The following PIP5K1C variants were observed in gnomAD, a reference collection of about 807,000 sequenced individuals.
The protein encoded by PIP5K1C is phosphatidylinositol-4-phosphate 5-kinase type 1 gamma, also known as phosphatidylinositol 4-phosphate 5-kinase type-1 gamma.
PIP5K1C carries 45 observed loss-of-function variants against 80.1 expected under a neutral mutation model. That is an observed-to-expected ratio of 0.56 (90% CI 0.44 to 0.72). The LOEUF (loss-of-function observed/expected upper bound fraction) is 0.72, where lower values mean the gene tolerates loss of function less well. Among genes scored for constraint, PIP5K1C ranks in the 30% least tolerant of loss-of-function variants. The pLI, the probability that PIP5K1C is intolerant of heterozygous loss-of-function variation, is 0.00. For missense variants in PIP5K1C, 753 were observed against 954.6 expected (o/e 0.79, Z 2.78); for synonymous variants, 498 against 420.1 (o/e 1.19, Z -2.27).
chr19:3,636,059 A>C (rs1338719329), intron 16 of PIP5K1C, among the ~76,000 whole-genome samples: 1 of 152,148 alleles, frequency 6.6e-6, no homozygotes, highest in African/African-American at 2.4e-5. Context: ...CAGGAGGCTG[A>C]GGCAGGATAA....
rs143065193 is a variant in PIP5K1C, at chr19:3,689,213, A to C, written c.94+11084T>G. On this transcript the variant is annotated intron_variant, in intron 1 of 17. Transcript: ENST00000335312. ...GCCCTAAAATAACACGCCTTGAAATAAAAACGAACATACAACAAGGTCACG... is the reference window on the plus strand; with the variant it reads ...GCCCTAAAATAACACGCCTTGAAATCAAAACGAACATACAACAAGGTCACG... Among the ~76,000 whole-genome samples the C allele has an allele frequency of 3.6e-3, 549 of 152,246 alleles. 6 individuals carry two copies. The highest frequency in any genetic ancestry group is 0.013 in the African/African-American group (522 of 41,554).
At chr19:3,656,847 C>T (rs1024951911) in intron 5 of PIP5K1C, among the ~76,000 whole-genome samples, 4 of 152,214 alleles carry the variant, frequency 2.6e-5, no homozygotes, top group African/African-American at 9.6e-5. Flanking sequence ...GGGGTGCTGA[C>T]GCGCGTGGCT....
At position 3,645,997 on chromosome 19, in the gene PIP5K1C, T is replaced by C. The variant is rs769042747; in HGVS notation, c.1322A>G (p.Asn441Ser). The C allele has an allele frequency of 6.2e-7, 1 of 1,613,286 alleles. No homozygotes were observed. The highest frequency in any genetic ancestry group is 8.5e-7 in the Non-Finnish European group (1 of 1,179,826). Reference protein sequence around the residue: ...YAERFFKFMSNTVFRKNSSLK... With the variant: ...YAERFFKFMSSTVFRKNSSLK... The stretch of plus-strand genomic sequence containing the variant: ...ACAGGAGTTCTTCCGAAAGACCGTG[T>C]TGCTCATGAACTTGAAAAAGCGCTC... Residue 441 changes from asparagine (N) to serine (S), a missense_variant, in exon 11 of 18, where the codon AAC becomes AGC. Around this residue, in one of 6 missense-constraint regions of PIP5K1C, gnomAD observed 114 missense variants for 152.4 expected, o/e 0.75. Transcript: ENST00000335312.
chr19:3,643,315 G>A lies in PIP5K1C; in HGVS notation c.1577C>T (p.Thr526Met). 1.2e-6 allele frequency: 2 copies of A among 1,614,004 alleles called. No homozygotes were observed. Among genetic ancestry groups the A allele is most frequent in the East Asian group, 2.2e-5 (1 of 44,880 alleles). Residue 526 changes from threonine (T) to methionine (M), a missense_variant, in exon 13 of 18, where the codon ACG becomes ATG. Physicochemically the swap from Thr to Met is moderately conservative, Grantham distance 81. Around this residue, in one of 6 missense-constraint regions of PIP5K1C, gnomAD observed 315 missense variants for 294.5 expected, o/e 1.07. Transcript: ENST00000335312. ...GGAGAGGGATGTGGATGACAGAGTC[G>A]TGGCAATGGAGGCTGTAGTGGCTTC... Reference protein sequence around the residue: ...FEEATTASIATTLSSTSLSIP... With the variant: ...FEEATTASIAMTLSSTSLSIP...
chr19:3,643,134 CGATGCTCCACCCACATGCACAGCG>C lies in PIP5K1C; in HGVS notation c.1649+85_1649+108del, dbSNP rs1033326322. On this transcript the variant is annotated intron_variant, in intron 13 of 17. Transcript: ENST00000335312. ...AGTGTATGTACATCCACCGTACATA[CGATGCTCCACCCACATGCACAGCG>C]GATGCCCCGCCCACATGCAGTGAAT... is the stretch of plus-strand genomic sequence containing the variant. 419 of 1,557,060 alleles carry C rather than the reference CGATGCTCCACCCACATGCACAGCG, an allele frequency of 2.7e-4. 2 individuals are homozygous for C. Among genetic ancestry groups the C allele is most frequent in the Non-Finnish European group, 1.8e-4 (210 of 1,140,110 alleles).
intron 1 of PIP5K1C, among the ~76,000 whole-genome samples, chr19:3,690,718 A>C (rs2035921828): frequency 6.6e-6 from 1 of 152,208 alleles, no homozygotes; most frequent in African/African-American, 2.4e-5. Flanking sequence ...TTGTGTCACC[A>C]ATAAATGAGT....
chr19:3,662,019 T>C lies in PIP5K1C; in HGVS notation c.220-18A>G, dbSNP rs1289916094. On this transcript the variant is annotated intron_variant, in intron 3 of 17. Coordinates refer to ENST00000335312, the MANE Select transcript of PIP5K1C (RefSeq NM_012398.3). ...GAGGTGGTCTGCAGGGAGACCAGAG[T>C]GTCAGGGCCCCCGGCTGCTCCCCAC... The C allele has an allele frequency of 6.4e-7, 1 of 1,574,766 alleles. No individual in the cohort carries two copies. Among genetic ancestry groups the C allele is most frequent in the South Asian group, 1.1e-5 (1 of 87,058 alleles).
intron 1 of PIP5K1C, among the ~76,000 whole-genome samples, chr19:3,689,376 C>T (rs554471211): frequency 3.9e-4 from 59 of 152,252 alleles, no homozygotes; most frequent in Non-Finnish European, 1.3e-4. Flanking sequence ...ACAGGCCTGG[C>T]GCAGTGGCTC....
intron 6 of PIP5K1C, among the ~76,000 whole-genome samples, chr19:3,655,107 CAAAAAAAA>C (rs545856738): frequency 2.2e-5 from 1 of 45,862 alleles, no homozygotes; most frequent in Admixed American, 3.8e-4. Flanking sequence ...GACTCCATCT[CAAAAAAAA>C]AAAAAAAAAA....
rs117275907 is a variant in PIP5K1C, at chr19:3,691,847, G to A, written c.94+8450C>T. Reference sequence around the variant, plus strand: ...AACCACCAAAGCCCCCAACACAAGCGAGAAATGAGCCTCTGGGATGGCCGG... The same window carrying A: ...AACCACCAAAGCCCCCAACACAAGCAAGAAATGAGCCTCTGGGATGGCCGG... On this transcript the variant is annotated intron_variant, in intron 1 of 17. Transcript: ENST00000335312. 8.1e-3 allele frequency among the ~76,000 whole-genome samples: 1,233 copies of A among 152,302 alleles called. 6 individuals are homozygous for A. Among genetic ancestry groups the A allele is most frequent in the Non-Finnish European group, 0.014 (963 of 68,018 alleles).
chr19:3,636,618 C>T (rs1391660591), intron 16 of PIP5K1C: 4 of 985,558 alleles, frequency 4.1e-6, no homozygotes, highest in Admixed American at 6.1e-5. Context: ...CACGGCTTCG[C>T]GGTGGCTGGC....
chr19:3,677,349 G>A (rs2035391380), intron 1 of PIP5K1C, among the ~76,000 whole-genome samples: 1 of 152,274 alleles, frequency 6.6e-6, no homozygotes, highest in South Asian at 2.1e-4. Context: ...TTGGGAGGCC[G>A]AGGCAGGCGG....
At chr19:3,638,232 C>T (rs887770832) in intron 16 of PIP5K1C, among the ~76,000 whole-genome samples, 6 of 152,126 alleles carry the variant, frequency 3.9e-5, no homozygotes. Context: ...TTCCAGGCCT[C>T]GCTGGCCGCC....
At chr19:3,642,346 G>A (rs539302630) in intron 14 of PIP5K1C, among the ~76,000 whole-genome samples, 2 of 152,368 alleles carry the variant, frequency 1.3e-5, no homozygotes, top group East Asian at 3.9e-4. Context: ...CCCGAGGGCT[G>A]GGCACTTAAA....
intron 1 of PIP5K1C, among the ~76,000 whole-genome samples, chr19:3,693,112 T>C (rs959595971): frequency 2.0e-5 from 3 of 152,050 alleles, no homozygotes; most frequent in African/African-American, 7.2e-5. Flanking sequence ...CAGAGTTCCT[T>C]AGGGGGCCTG....
chr19:3,671,670 G>A (rs2035209829), intron 1 of PIP5K1C, among the ~76,000 whole-genome samples: 1 of 152,210 alleles, frequency 6.6e-6, no homozygotes, highest in African/African-American at 2.4e-5. Flanking sequence ...CGGGCAGCAA[G>A]GGGAGACCAG....
intron 1 of PIP5K1C, among the ~76,000 whole-genome samples, chr19:3,674,908 C>A: frequency 6.6e-6 from 1 of 152,168 alleles, no homozygotes; most frequent in Non-Finnish European, 1.5e-5. Flanking sequence ...ATGGATTATT[C>A]AGCCATGAAA....
At chr19:3,635,176 C>T (rs547904213) in intron 16 of PIP5K1C, among the ~76,000 whole-genome samples, 1 of 152,240 alleles carries the variant, frequency 6.6e-6, no homozygotes, top group African/African-American at 2.4e-5. Context: ...ACCTCAGAGC[C>T]GCTCTCTGGG....
chr19:3,637,050 G>GA lies in PIP5K1C; in HGVS notation c.1920+1833dup. ...TCCATCTGTGAGGTGGGTGTGGAGA[G>GA]ACCATCTCCTCCCCGTCTCCATGGC... On this transcript the variant is annotated intron_variant, in intron 16 of 17. Transcript: ENST00000335312. The surrounding 1 kb of genome is among the most constrained non-coding windows in gnomAD (Gnocchi z 7.0). The GA allele has an allele frequency of 8.6e-7, 1 of 1,157,520 alleles. No homozygotes were observed. Among genetic ancestry groups the GA allele is most frequent in the African/African-American group, 1.6e-5 (1 of 61,310 alleles). The allele number at this position is 1,157,520 out of a possible 1,614,324, so 71.7% of individuals were successfully genotyped here.
Sources: gnomAD v4.1 joint callset for allele counts (sites outside exome capture counted in the v4.1 genomes callset) on GRCh38, gnomAD v4.1.1 for gene constraint, gnomAD v4.1.1 regional missense constraint, Gnocchi (gnomAD v3.1) non-coding constraint, MANE v1.5 for transcripts, NCBI Gene and HGNC (gene_info 2026-07-23, HGNC 2026-07-21) for gene names.